The following NFYA variants were observed in gnomAD, a reference collection of about 807,000 sequenced individuals.
The protein encoded by NFYA is nuclear transcription factor Y subunit alpha.
Under a neutral mutation model 52.8 loss-of-function variants are expected in NFYA, and 28 were observed. The ratio of observed to expected loss-of-function variants is 0.53; its 90% confidence interval spans 0.39 to 0.73. NFYA has a LOEUF of 0.73. Ranked by LOEUF, NFYA falls within the 30% of genes least tolerant of loss-of-function variation. The pLI is 0.00. For synonymous variants in NFYA, 150 were observed against 150.7 expected, an observed-to-expected ratio of 1.00 and a Z score of 0.03; for missense variants, 234 against 427.0, an observed-to-expected ratio of 0.55 and a Z score of 3.98.
chr6:41,075,852 TAA>T (rs927833036), intron 1 of NFYA, among the ~76,000 whole-genome samples: 10 of 152,182 alleles, frequency 6.6e-5, no homozygotes, highest in African/African-American at 2.4e-4. Context: ...TTACTAAACT[TAA>T]AGACTCTTTG....
chr6:41,085,620 G>A (rs1764024262), intron 4 of NFYA, among the ~76,000 whole-genome samples: 1 of 152,146 alleles, frequency 6.6e-6, no homozygotes. Flanking sequence ...GTTTTCTGGA[G>A]GAATTTAAGT....
At chr6:41,080,748 T>C in intron 2 of NFYA, 63 bp from the exon 3 acceptor site, 1 of 1,363,220 alleles carries the variant, frequency 7.3e-7, no homozygotes, top group Non-Finnish European at 1.0e-6. Context: ...TAAGGTGATC[T>C]GTGTCTTGAA....
At chr6:41,086,318 T>C (rs189306303) in intron 4 of NFYA, among the ~76,000 whole-genome samples, 1 of 152,304 alleles carries the variant, frequency 6.6e-6, no homozygotes, top group Non-Finnish European at 1.5e-5. Flanking sequence ...ATATCTAGGG[T>C]TCATTCTAGC....
chr6:41,084,710 C>T (rs1763994971), intron 4 of NFYA, among the ~76,000 whole-genome samples: 1 of 152,216 alleles, frequency 6.6e-6, no homozygotes, highest in Admixed American at 6.5e-5. Context: ...TGCCTGTGAT[C>T]CCAGCACTTG....
At position 41,080,907 on chromosome 6, in the gene NFYA, T is replaced by A. The variant is rs750306668; in HGVS notation, c.162+10T>A. The A allele has an allele frequency of 8.1e-6, 13 of 1,606,954 alleles. No individual in the cohort carries two copies. The South Asian group carries it at 1.4e-4, about 18-fold the overall frequency. The stretch of plus-strand genomic sequence containing the variant: ...CCAGACCCTCCAGGTAGTGGTACCC[T>A]CTCTGATTCTCTGTGAGCACTGCAT... On this transcript the variant is annotated intron_variant, in intron 3 of 9. Transcript: ENST00000341376.
At position 41,098,141 on chromosome 6, in the gene NFYA, C is replaced by T. The variant is rs1009412258; in HGVS notation, c.*731C>T. ...GCTTGTCCCTCTGTTGACTGGTCAT[C>T]TGGACCATCGTACTTGCTGTGGCTA... is the stretch of plus-strand genomic sequence containing the variant. On this transcript the variant is annotated 3_prime_UTR_variant, in exon 10 of 10. Transcript: ENST00000341376. 1.3e-5 allele frequency: 2 copies of T among 152,692 alleles called. No individual in the cohort carries two copies. The highest frequency in any genetic ancestry group is 4.8e-5 in the African/African-American group (2 of 41,456). 9.5% of individuals were successfully genotyped at this position (152,692 alleles called of 1,614,324 possible). A position where few individuals can be genotyped will look rare whatever the true frequency, so the allele number is the denominator to read the frequency against.
At chr6:41,074,854 AGAG>A (rs1264262388) in intron 1 of NFYA, among the ~76,000 whole-genome samples, 2 of 152,198 alleles carry the variant, frequency 1.3e-5, no homozygotes, top group African/African-American at 4.8e-5. Flanking sequence ...TTGGGGATGA[AGAG>A]GAGACTTGTC....
In NFYA at chr6:41,083,904, G is replaced by A. The variant is rs567894731; in HGVS notation, c.163-142G>A. ...TCATAGATATTTAAAGATAACTTGA[G>A]GACTTGAGACATATATTTTCTTAGT... On this transcript the variant is annotated intron_variant, in intron 3 of 9. Transcript: ENST00000341376. 1.3e-4 allele frequency: 95 copies of A among 724,208 alleles called. No homozygotes were observed. The African/African-American group carries it at 1.6e-3, about 12-fold the overall frequency. The allele number at this position is 724,208 out of a possible 1,614,324, so 44.9% of individuals were successfully genotyped here. A position where few individuals can be genotyped will look rare whatever the true frequency, so the allele number is the denominator to read the frequency against.
chr6:41,094,570 T>G, intron 9 of NFYA, 73 bp downstream of exon 9: 1 of 1,137,554 alleles, frequency 8.8e-7, no homozygotes, highest in Non-Finnish European at 1.3e-6. Flanking sequence ...TTCAGCAGTG[T>G]CCTCTTGCTA....
At chr6:41,077,010 G>C (rs1000717191) in intron 1 of NFYA, among the ~76,000 whole-genome samples, 2 of 152,218 alleles carry the variant, frequency 1.3e-5, no homozygotes, top group South Asian at 2.1e-4. Context: ...TGCTAAATTG[G>C]TTCATTTGTA....
intron 9 of NFYA, among the ~76,000 whole-genome samples, chr6:41,096,927 G>C (rs769262983): frequency 6.6e-6 from 1 of 152,194 alleles, no homozygotes; most frequent in Non-Finnish European, 1.5e-5. Flanking sequence ...AAAGTGTATA[G>C]ATTCTAATGA....
At chr6:41,094,009 T>C (rs570698850) in intron 8 of NFYA, among the ~76,000 whole-genome samples, 44 of 152,306 alleles carry the variant, frequency 2.9e-4, no homozygotes, top group African/African-American at 1.0e-3. Flanking sequence ...GGTGTCAGAG[T>C]GAAACCCTGT....
chr6:41,080,676 CAATA>C, intron 2 of NFYA, 131 bp from the exon 3 acceptor site: 1 of 617,794 alleles, frequency 1.6e-6, no homozygotes, highest in Non-Finnish European at 2.8e-6. Flanking sequence ...AAAACAGCTT[CAATA>C]TAGGGAGTCT....
intron 1 of NFYA, chr6:41,075,732 C>CG (rs1457408290): frequency 9.1e-5 from 1 of 10,942 alleles, no homozygotes; most frequent in African/African-American, 5.0e-4. Context: ...TCAAGTAGTA[C>CG]CTTTTTTTTT....
At chr6:41,087,716 T>TAA (rs34732690) in intron 4 of NFYA, among the ~76,000 whole-genome samples, 3 of 149,122 alleles carry the variant, frequency 2.0e-5, no homozygotes, top group Admixed American at 6.7e-5. Context: ...CTTTTGCACT[T>TAA]AAAAAAAAAA....
intron 1 of NFYA, among the ~76,000 whole-genome samples, chr6:41,074,041 A>G (rs1763651478): frequency 1.3e-5 from 2 of 152,018 alleles, no homozygotes; most frequent in Admixed American, 1.3e-4. Flanking sequence ...TGTTCATATT[A>G]CTAATCTTAT....
At chr6:41,078,958 T>C in intron 1 of NFYA, 71 bp from the exon 2 acceptor site, 1 of 653,458 alleles carries the variant, frequency 1.5e-6, no homozygotes, top group Non-Finnish European at 2.7e-6. Context: ...TGATAAATTA[T>C]CCAGGTTAAT....
Position 41,097,440 on chromosome 6 carries a change from G to T in NFYA, c.*30G>T. On this transcript the variant is annotated 3_prime_UTR_variant, in exon 10 of 10. Transcript: ENST00000341376. ...ACGCCATGTGATGGAGCTGATCAAG[G>T]TCATGTTTCTCACTGTTCCAGGAAA... 6.2e-7 allele frequency: 1 copy of T among 1,609,752 alleles called. No homozygotes were observed. The highest frequency in any genetic ancestry group is 8.5e-7 in the Non-Finnish European group (1 of 1,176,602).
At chr6:41,081,153 G>A (rs1351050321) in intron 3 of NFYA, among the ~76,000 whole-genome samples, 1 of 152,162 alleles carries the variant, frequency 6.6e-6, no homozygotes, top group African/African-American at 2.4e-5. Flanking sequence ...AAAAGAAATG[G>A]TATAAGTGAC....
Sources: gnomAD v4.1 joint callset for allele counts (sites outside exome capture counted in the v4.1 genomes callset) on GRCh38, gnomAD v4.1.1 for gene constraint, MANE v1.5 for transcripts, NCBI Gene and HGNC (gene_info 2026-07-23, HGNC 2026-07-21) for gene names.